Variants in JAZF1 observed in about 807,000 individuals in gnomAD.
JAZF1 encodes the protein juxtaposed with another zinc finger protein 1.
A neutral mutation model predicts 26.4 loss-of-function variants in JAZF1; 8 were observed. The observed-to-expected ratio is 0.30, with a 90% CI of 0.18 to 0.55. The LOEUF (loss-of-function observed/expected upper bound fraction) is 0.55, where lower values mean the gene tolerates loss of function less well. Among genes scored for constraint, JAZF1 ranks in the 20% least tolerant of loss-of-function variants. The pLI is 0.94. For synonymous variants in JAZF1, 126 were observed against 122.3 expected (o/e 1.03, Z -0.20); for missense variants, 199 against 322.0 (o/e 0.62, Z 2.92).
intron 2 of JAZF1, among the ~76,000 whole-genome samples, chr7:27,926,430 A>T (rs1327052617): frequency 6.6e-6 from 1 of 152,192 alleles, no homozygotes; most frequent in Non-Finnish European, 1.5e-5. Flanking sequence ...ATAAAGTAAG[A>T]CTGACCTTTT....
intron 1 of JAZF1, among the ~76,000 whole-genome samples, chr7:28,028,938 C>G (rs1479699904): frequency 1.3e-5 from 2 of 152,038 alleles, no homozygotes; most frequent in Non-Finnish European, 2.9e-5. Flanking sequence ...AGATGGTTTT[C>G]ATGGTACATG....
At chr7:28,011,976 C>T (rs552300593) in intron 1 of JAZF1, among the ~76,000 whole-genome samples, 5 of 152,280 alleles carry the variant, frequency 3.3e-5, no homozygotes, top group African/African-American at 1.2e-4. Context: ...TCCATGTTTT[C>T]ATTTAACTTT....
intron 2 of JAZF1, among the ~76,000 whole-genome samples, chr7:27,957,338 T>G (rs1260515301): frequency 1.3e-5 from 2 of 152,196 alleles, no homozygotes; most frequent in East Asian, 1.9e-4. Flanking sequence ...TTTGTGCTTT[T>G]ATTTTATAGG....
chr7:27,931,354 A>C (rs1295463790), intron 2 of JAZF1, among the ~76,000 whole-genome samples: 2 of 152,216 alleles, frequency 1.3e-5, no homozygotes, highest in African/African-American at 4.8e-5. Context: ...GTGTGGAGGA[A>C]CCTAACTGTT....
intron 3 of JAZF1, chr7:27,843,956 C>T (rs1257429006): frequency 6.6e-6 from 1 of 152,268 alleles, no homozygotes; most frequent in Non-Finnish European, 1.5e-5. Context: ...TTGCCTTGCT[C>T]TCTCTTGAGA....
intron 1 of JAZF1, among the ~76,000 whole-genome samples, chr7:28,049,415 A>G (rs557845988): frequency 2.6e-5 from 4 of 152,088 alleles, no homozygotes; most frequent in Admixed American, 2.6e-4. Flanking sequence ...TACTACTTCC[A>G]GTACTTCACT....
intron 1 of JAZF1, among the ~76,000 whole-genome samples, chr7:28,140,595 A>T (rs949393935): frequency 6.6e-6 from 1 of 151,888 alleles, no homozygotes; most frequent in Non-Finnish European, 1.5e-5. Flanking sequence ...GCCCTTAAAA[A>T]ATTCTACAGG....
intron 3 of JAZF1, among the ~76,000 whole-genome samples, chr7:27,848,358 GT>G (rs764635804): frequency 1.2e-4 from 18 of 152,132 alleles, no homozygotes; most frequent in Non-Finnish European, 2.4e-4. Context: ...GTTGTTATTT[GT>G]GTATGGACAT....
chr7:27,848,500 T>C (rs1394091293), intron 3 of JAZF1, among the ~76,000 whole-genome samples: 3 of 152,182 alleles, frequency 2.0e-5, no homozygotes, highest in Admixed American at 6.5e-5. Context: ...CAGAGGAGAA[T>C]GCGCTCAGAG....
chr7:28,016,594 A>C (rs1782897721), intron 1 of JAZF1, among the ~76,000 whole-genome samples: 1 of 152,086 alleles, frequency 6.6e-6, no homozygotes, highest in Admixed American at 6.5e-5. Flanking sequence ...AAGAAACAAC[A>C]CTGAAAGCTT....
chr7:27,885,550 T>G (rs1783845173), intron 3 of JAZF1, among the ~76,000 whole-genome samples: 1 of 152,258 alleles, frequency 6.6e-6, no homozygotes, highest in African/African-American at 2.4e-5. Context: ...GTACGTATTC[T>G]AGATATGAGG....
At chr7:27,991,204 G>C (rs1785895592) in intron 2 of JAZF1, among the ~76,000 whole-genome samples, 1 of 152,162 alleles carries the variant, frequency 6.6e-6, no homozygotes, top group Non-Finnish European at 1.5e-5. Flanking sequence ...TATGAGCAGA[G>C]AGTTTCTCAT....
intron 3 of JAZF1, among the ~76,000 whole-genome samples, chr7:27,892,029 A>G (rs1173085050): frequency 6.6e-6 from 1 of 152,236 alleles, no homozygotes; most frequent in Non-Finnish European, 1.5e-5. Flanking sequence ...CCATGAATAT[A>G]GAACTTGCAA....
intron 2 of JAZF1, among the ~76,000 whole-genome samples, chr7:27,932,350 T>A (rs1223425187): frequency 2.0e-5 from 3 of 152,190 alleles, no homozygotes; most frequent in Non-Finnish European, 4.4e-5. Flanking sequence ...CTCTATAGCC[T>A]GTCACAGTTG....
At chr7:27,928,706 G>A (rs1226299293) in intron 2 of JAZF1, among the ~76,000 whole-genome samples, 3 of 152,160 alleles carry the variant, frequency 2.0e-5, no homozygotes, top group African/African-American at 7.2e-5. Flanking sequence ...CAAATACTGC[G>A]TGTTCTCACT....
intron 2 of JAZF1, among the ~76,000 whole-genome samples, chr7:27,947,937 C>T (rs1223570225): frequency 6.6e-6 from 1 of 152,156 alleles, no homozygotes; most frequent in Non-Finnish European, 1.5e-5. Context: ...GCTAACTCTG[C>T]TTGCTTTCCT....
chr7:28,179,277 C>A (rs1783596228), intron 1 of JAZF1, among the ~76,000 whole-genome samples: 1 of 152,246 alleles, frequency 6.6e-6, no homozygotes, highest in African/African-American at 2.4e-5. Flanking sequence ...ACCGCCTAAG[C>A]CAGATGCACC....
intron 1 of JAZF1, among the ~76,000 whole-genome samples, chr7:28,007,596 C>G (rs563888583): frequency 6.6e-6 from 1 of 152,046 alleles, no homozygotes; most frequent in Admixed American, 6.6e-5. Flanking sequence ...TTTCTGGACA[C>G]TAAGGTTGCT....
chr7:27,839,332 A>G (rs1583423684), intron 4 of JAZF1, among the ~76,000 whole-genome samples: 1 of 152,194 alleles, frequency 6.6e-6, no homozygotes, highest in African/African-American at 2.4e-5. Context: ...CGCGGTGGGA[A>G]CCAGCCCCAG....
Sources: gnomAD v4.1 joint callset for allele counts (sites outside exome capture counted in the v4.1 genomes callset) on GRCh38, gnomAD v4.1.1 for gene constraint, MANE v1.5 for transcripts, NCBI Gene and HGNC (gene_info 2026-07-23, HGNC 2026-07-21) for gene names.